Variants in JUP observed in about 807,000 individuals in gnomAD.
JUP encodes junction plakoglobin, also known as catenin (cadherin-associated protein), gamma 80kDa.
Under a neutral mutation model 71.1 loss-of-function variants are expected in JUP, and 28 were observed. That is an observed-to-expected ratio of 0.39 (90% CI 0.29 to 0.54). The LOEUF is 0.54. Ranked by LOEUF, JUP falls within the 20% of genes least tolerant of loss-of-function variation. The probability of loss-of-function intolerance (pLI) is 0.62; values close to 1 mark genes in which losing one functional copy is unlikely to be tolerated. For missense variants in JUP, 869 were observed against 1,030.1 expected, an observed-to-expected ratio of 0.84 and a Z score of 2.14; for synonymous variants, 401 against 438.9, an observed-to-expected ratio of 0.91 and a Z score of 1.08.
intron 10 of JUP, 141 bp from the exon 11 acceptor site, chr17:41,757,925 A>T: frequency 1.5e-6 from 1 of 682,064 alleles, no homozygotes; most frequent in Non-Finnish European, 2.5e-6. Context: ...AGTAAGTGTT[A>T]CTGCTTTAAA....
chr17:41,755,313 C>A lies in JUP; in HGVS notation c.*431G>T, dbSNP rs142641030. ...GAACACTATCCCAAGAAAGACCCTA[C>A]GGAGGACCTCTGGAGGCGCAGGGTG... On this transcript the variant is annotated 3_prime_UTR_variant, in exon 14 of 14. Coordinates refer to ENST00000393931, the MANE Select transcript of JUP (RefSeq NM_002230.4). 5.8e-4 allele frequency: 232 copies of A among 401,848 alleles called. No homozygotes were observed. The highest frequency in any genetic ancestry group is 4.4e-3 in the African/African-American group (213 of 48,776). 24.9% of individuals were successfully genotyped at this position (401,848 alleles called of 1,614,324 possible).
chr17:41,768,863 G>T, intron 4 of JUP, 106 bp downstream of exon 4: 3 of 922,926 alleles, frequency 3.3e-6, no homozygotes, highest in Admixed American at 4.0e-5. Flanking sequence ...CTTCTGCCTG[G>T]CACATAGTAG....
At chr17:41,765,794 T>C (rs1915623839) in intron 5 of JUP, among the ~76,000 whole-genome samples, 1 of 152,218 alleles carries the variant, frequency 6.6e-6, no homozygotes, top group South Asian at 2.1e-4. Context: ...CTTCTGGAAA[T>C]CAATCTGGCC....
At chr17:41,756,308 GA>G (rs1913734782) in intron 12 of JUP, 94 bp from the exon 13 acceptor site, 4 of 1,292,498 alleles carry the variant, frequency 3.1e-6, no homozygotes, top group Non-Finnish European at 2.2e-6. Context: ...GCTTCTAAAA[GA>G]GGGGGCCAGG....
chr17:41,765,436 C>T (rs144135963), intron 5 of JUP, among the ~76,000 whole-genome samples: 44 of 152,094 alleles, frequency 2.9e-4, no homozygotes, highest in African/African-American at 1.0e-3. Flanking sequence ...ACTACAACCT[C>T]CGCCTCCCGG....
chr17:41,756,291 G>C, intron 12 of JUP, 77 bp from the exon 13 acceptor site: 1 of 1,440,032 alleles, frequency 6.9e-7, no homozygotes, highest in Non-Finnish European at 9.7e-7. Context: ...GGTGGGCAGG[G>C]AGAGATGCTT....
rs569073967 is a variant in JUP at position 41,761,451 on chromosome 17, C to T, written c.1497+1532G>A. 1.4e-4 allele frequency among the ~76,000 whole-genome samples: 22 copies of T among 152,256 alleles called. No individual in the cohort carries two copies. The South Asian group carries it at 2.5e-3, about 17-fold the overall frequency. ...AGTCCACTCATTCGTGTGAGGACAA[C>T]CCTCTCGTCTACACCCAGTGGCATA... On this transcript the variant is annotated intron_variant, in intron 8 of 13. Transcript: ENST00000393931.
intron 2 of JUP, 63 bp from the exon 3 acceptor site, chr17:41,769,740 G>C: frequency 6.4e-7 from 1 of 1,566,402 alleles, no homozygotes; most frequent in Non-Finnish European, 8.6e-7. Context: ...TGGGGAGCAG[G>C]GCAGGCCACA....
At chr17:41,776,149 G>C (rs1567827675) in intron 1 of JUP, 3 of 185,830 alleles carry the variant, frequency 1.6e-5, no homozygotes, top group Non-Finnish European at 3.0e-5. Flanking sequence ...TGGGAACAGA[G>C]GAGCAGGGCG....
chr17:41,759,867 A>G (rs1239066316), intron 8 of JUP, among the ~76,000 whole-genome samples: 5 of 152,138 alleles, frequency 3.3e-5, no homozygotes, highest in African/African-American at 1.2e-4. Flanking sequence ...ACCAAGCATC[A>G]AGGAGGGGTC....
chr17:41,763,187 C>T lies in JUP; in HGVS notation c.1293G>A (p.Gln431=), dbSNP rs1555602266. The T allele has an allele frequency of 1.2e-6, 2 of 1,614,238 alleles. No homozygotes were observed. Among genetic ancestry groups the T allele is most frequent in the Admixed American group, 3.3e-5 (2 of 60,034 alleles). ...NNSKNKTLVT[Q]NSGVEALIHA... Reference sequence around the variant, plus strand: ...GGATGAGAGCCTCCACACCGCTGTTCTGTGTCACCAGCGTCTTGTTCTTGC... The same window carrying T: ...GGATGAGAGCCTCCACACCGCTGTTTTGTGTCACCAGCGTCTTGTTCTTGC... Residue 431 remains glutamine (Q), a synonymous_variant, in exon 8 of 14, where the codon CAG becomes CAA. Coordinates refer to ENST00000393931, the MANE Select transcript of JUP (RefSeq NM_002230.4).
chr17:41,758,343 C>G (rs576915209), intron 10 of JUP, 56 bp downstream of exon 10: 3 of 1,609,890 alleles, frequency 1.9e-6, no homozygotes, highest in Non-Finnish European at 2.5e-6. Flanking sequence ...GACTCCTAAC[C>G]TTGCCCTTTA....
At position 41,769,481 on chromosome 17, in the gene JUP, G is replaced by A. The variant is rs17850807; in HGVS notation, c.405C>T (p.Asp135=). The change falls in exon 3 of 14, where the codon GAC becomes GAT. Residue 135 remains aspartate (D), a synonymous_variant. Transcript: ENST00000393931. The stretch of plus-strand genomic sequence containing the variant: ...GGGCGCGAGTGGCCAGCTCGGCATC[G>A]TCCTGGTAGTTGATGAGATGCACAA... ...SAIVHLINYQ[D]DAELATRALP... 5.8e-3 allele frequency: 9,311 copies of A among 1,613,032 alleles called. 451 individuals carry two copies. The African/African-American group carries it at 0.11, about 18-fold the overall frequency.
In JUP at chr17:41,755,909, G is replaced by A. The variant is rs781839198; in HGVS notation, c.2087-14C>T. The A allele has an allele frequency of 5.0e-6, 8 of 1,601,162 alleles. No individual in the cohort carries two copies. The African/African-American group carries it at 9.4e-5, about 19-fold the overall frequency. The stretch of plus-strand genomic sequence containing the variant: ...TGGCATCCATGTCTGGGGACAAAAA[G>A]TGGGGCTCGGTCCTAGGGTCTGCAA... On this transcript the variant is annotated splice_polypyrimidine_tract_variant and intron_variant, in intron 13 of 13. Transcript: ENST00000393931.
Position 41,756,547 on chromosome 17 carries a change from C to T in JUP, c.2047-333G>A, listed in dbSNP as rs1005176365. On this transcript the variant is annotated intron_variant, in intron 12 of 13. Transcript: ENST00000393931. ...TGGGGAGGCAGAGGATGCAGTGAGC[C>T]GAGATTACACCATTGCACTCCAGCC... is the stretch of plus-strand genomic sequence containing the variant. Among the ~76,000 whole-genome samples, 21 of 151,554 alleles carry T rather than the reference C, an allele frequency of 1.4e-4. 1 individual carries two copies. Among genetic ancestry groups the T allele is most frequent in the South Asian group, 6.3e-4 (3 of 4,800 alleles).
intron 3 of JUP, 28 bp from the exon 4 acceptor site, chr17:41,769,235 G>A (rs1441597819): frequency 1.2e-5 from 19 of 1,591,810 alleles, no homozygotes; most frequent in South Asian, 2.2e-5. Context: ...GGGCGGGGAC[G>A]TGAGCACTAA....
At position 41,766,770 on chromosome 17, in the gene JUP, G is replaced by A. The variant is rs193135870; in HGVS notation, c.909+609C>T. ...CTTGGGAGGCTGAAGCAGGAGAATC[G>A]CTTGAACCCGGGAGGCGAAGGTTGC... On this transcript the variant is annotated intron_variant, in intron 5 of 13. Coordinates refer to ENST00000393931, the MANE Select transcript of JUP (RefSeq NM_002230.4). Among the ~76,000 whole-genome samples the A allele has an allele frequency of 3.6e-3, 541 of 151,590 alleles. 6 individuals carry two copies. The highest frequency in any genetic ancestry group is 0.011 in the African/African-American group (455 of 41,252).
intron 1 of JUP, among the ~76,000 whole-genome samples, chr17:41,772,492 A>G (rs1471270860): frequency 6.6e-6 from 1 of 152,086 alleles, no homozygotes; most frequent in Non-Finnish European, 1.5e-5. Flanking sequence ...CAGCCCTCCC[A>G]GTCCCTAGAC....
At chr17:41,774,010 G>A (rs1567825583) in intron 1 of JUP, among the ~76,000 whole-genome samples, 1 of 152,192 alleles carries the variant, frequency 6.6e-6, no homozygotes, top group East Asian at 1.9e-4. Context: ...TGCATAGACA[G>A]TGCCTAACCC....
Sources: allele counts gnomAD v4.1 joint callset (sites outside exome capture counted in the v4.1 genomes callset), GRCh38; gene constraint gnomAD v4.1.1; transcripts MANE v1.5; gene names NCBI Gene and HGNC (gene_info 2026-07-23, HGNC 2026-07-21).